Variants in BAALC observed in about 807,000 individuals in gnomAD.
BAALC encodes BAALC binder of MAP3K1 and KLF4.
In BAALC, 9 loss-of-function variants were observed where a neutral mutation model predicts 15.5. That is an observed-to-expected ratio of 0.58 (90% confidence interval 0.35 to 1.02). The LOEUF (loss-of-function observed/expected upper bound fraction) is 1.02, where lower values mean the gene tolerates loss of function less well. Among genes scored for constraint, BAALC ranks in the 50% least tolerant of loss-of-function variants. The probability of loss-of-function intolerance (pLI) is 0.02; values close to 1 mark genes in which losing one functional copy is unlikely to be tolerated. For missense variants in BAALC, 201 were observed against 192.4 expected, an observed-to-expected ratio of 1.04 and a Z score of -0.27; for synonymous variants, 80 against 74.6, an observed-to-expected ratio of 1.07 and a Z score of -0.37.
intron 1 of BAALC, among the ~76,000 whole-genome samples, chr8:103,155,164 CTATTAGATTGGACCAAAAAGA>C (rs1478472269): frequency 3.3e-5 from 5 of 152,026 alleles, no homozygotes. Flanking sequence ...TGGACCATAT[CTATTAGATTGGACCAAAAAGA>C]TATTAGATTG....
intron 1 of BAALC, among the ~76,000 whole-genome samples, chr8:103,188,452 C>T (rs184049848): frequency 9.7e-4 from 148 of 152,216 alleles, no homozygotes; most frequent in Non-Finnish European, 1.9e-3. Context: ...GAGGGACAGG[C>T]GGCTGCACAT....
chr8:103,167,612 A>C (rs543296734), intron 1 of BAALC, among the ~76,000 whole-genome samples: 1 of 152,218 alleles, frequency 6.6e-6, no homozygotes, highest in East Asian at 1.9e-4. Flanking sequence ...TGGTATGGGG[A>C]ACATTTCTAG....
intron 1 of BAALC, among the ~76,000 whole-genome samples, chr8:103,193,865 G>A (rs1165049995): frequency 6.6e-6 from 1 of 152,136 alleles, no homozygotes; most frequent in African/African-American, 2.4e-5. Context: ...TTCTTCCCTG[G>A]TACACAGTGA....
chr8:103,181,923 A>G (rs1015231345), intron 1 of BAALC, among the ~76,000 whole-genome samples: 21 of 152,202 alleles, frequency 1.4e-4, no homozygotes, highest in African/African-American at 4.8e-4. Flanking sequence ...TGAACATAAG[A>G]AATGTATTCA....
intron 1 of BAALC, among the ~76,000 whole-genome samples, chr8:103,186,042 A>G (rs1270291139): frequency 6.6e-6 from 1 of 152,184 alleles, no homozygotes. Flanking sequence ...ACACCTGAGC[A>G]CAATGTGAGT....
rs183567730 is a variant in BAALC, at chr8:103,223,108, C to T, written c.328-4881C>T. Among the ~76,000 whole-genome samples the T allele has an allele frequency of 4.7e-4, 71 of 152,130 alleles. No homozygotes were observed. In the East Asian group the frequency reaches 0.012, roughly 25 times the overall value. Reference sequence around the variant, plus strand: ...CGGGTGGACCACAAGGTCAGGAGTTCGAGACCAGCCTGGCCAACATGATGA... The same window carrying T: ...CGGGTGGACCACAAGGTCAGGAGTTTGAGACCAGCCTGGCCAACATGATGA... On this transcript the variant is annotated intron_variant, in intron 2 of 2. Coordinates refer to ENST00000309982, the MANE Select transcript of BAALC (RefSeq NM_024812.3).
intron 1 of BAALC, among the ~76,000 whole-genome samples, chr8:103,175,331 G>A (rs531132015): frequency 3.3e-5 from 5 of 152,244 alleles, no homozygotes; most frequent in African/African-American, 9.6e-5. Flanking sequence ...AAATATAAAC[G>A]ATTGAAAATG....
chr8:103,150,335 G>C (rs953072129), intron 1 of BAALC, among the ~76,000 whole-genome samples: 63 of 127,256 alleles, frequency 5.0e-4, no homozygotes, highest in African/African-American at 1.8e-3. Flanking sequence ...AAACATGGCT[G>C]TGTGTGTGTG....
intron 1 of BAALC, among the ~76,000 whole-genome samples, chr8:103,207,584 G>A (rs558392408): frequency 1.3e-5 from 2 of 152,276 alleles, no homozygotes; most frequent in South Asian, 4.2e-4. Context: ...GTAGAGAGGG[G>A]AAGAAGCCTT....
rs200431550 is a variant in BAALC at position 103,168,514 on chromosome 8, T to TG, written c.160+27457_160+27458insG. ...GCTGCATTAAAAATATGTGTTTGTT[T>TG]TTTTTTTTTTAATGTGAATGCATCA... On this transcript the variant is annotated intron_variant, in intron 1 of 2. Coordinates refer to ENST00000309982, the MANE Select transcript of BAALC (RefSeq NM_024812.3). Among the ~76,000 whole-genome samples, 3 of 151,222 alleles carry TG rather than the reference T, an allele frequency of 2.0e-5. No homozygotes were observed. In the South Asian group the frequency reaches 6.3e-4, roughly 32 times the overall value.
At chr8:103,170,994 G>A (rs1337875615) in intron 1 of BAALC, among the ~76,000 whole-genome samples, 1 of 152,130 alleles carries the variant, frequency 6.6e-6, no homozygotes, top group Non-Finnish European at 1.5e-5. Flanking sequence ...CATCTGATGT[G>A]TCTTCTTATA....
intron 1 of BAALC, among the ~76,000 whole-genome samples, chr8:103,192,785 G>A (rs1812000461): frequency 1.3e-5 from 2 of 152,174 alleles, no homozygotes; most frequent in Admixed American, 6.5e-5. Context: ...AGCTGCCATT[G>A]CCATGGGACA....
intron 1 of BAALC, among the ~76,000 whole-genome samples, chr8:103,149,442 T>C (rs1810938560): frequency 6.6e-6 from 1 of 152,232 alleles, no homozygotes; most frequent in South Asian, 2.1e-4. Flanking sequence ...TGGTTTCAAA[T>C]GCAGTGCATG....
At chr8:103,187,757 C>G (rs56006114) in intron 1 of BAALC, among the ~76,000 whole-genome samples, 8,010 of 152,178 alleles carry the variant, frequency 0.053, 304 homozygotes, top group Middle Eastern at 0.17. Flanking sequence ...GTCCTTCTTC[C>G]CTTAGAGGGA....
chr8:103,213,640 A>G (rs940183761), intron 2 of BAALC: 1 of 153,068 alleles, frequency 6.5e-6, no homozygotes, highest in Non-Finnish European at 1.5e-5. Context: ...CTTTTCTCCC[A>G]GAGCTATTGT....
chr8:103,143,984 C>T (rs74345150), intron 1 of BAALC, among the ~76,000 whole-genome samples: 219 of 152,324 alleles, frequency 1.4e-3, no homozygotes, highest in African/African-American at 5.0e-3. Flanking sequence ...TTACCCTACT[C>T]CATTCAAACA....
intron 1 of BAALC, among the ~76,000 whole-genome samples, chr8:103,171,424 GA>G (rs35336505): frequency 0.52 from 76,952 of 149,204 alleles, 20,011 homozygotes; most frequent in Non-Finnish European, 0.54. Context: ...GAGAGAGAAT[GA>G]AAATAAAAAG....
chr8:103,209,567 C>G lies in BAALC; in HGVS notation c.161-3352C>G, dbSNP rs534803735. Among the ~76,000 whole-genome samples the G allele has an allele frequency of 7.2e-5, 11 of 152,252 alleles. No homozygotes were observed. The South Asian group carries it at 2.1e-3, about 29-fold the overall frequency. ...CTTTCACCCCATGAGCCCCACCCTTCCCACAGGCTGAGTTATCCAGAGGCC... is the reference window on the plus strand; with the variant it reads ...CTTTCACCCCATGAGCCCCACCCTTGCCACAGGCTGAGTTATCCAGAGGCC... On this transcript the variant is annotated intron_variant, in intron 1 of 2. Coordinates refer to ENST00000309982, the MANE Select transcript of BAALC (RefSeq NM_024812.3).
chr8:103,218,042 C>G (rs1212715697), intron 2 of BAALC, among the ~76,000 whole-genome samples: 3 of 152,198 alleles, frequency 2.0e-5, no homozygotes, highest in Non-Finnish European at 4.4e-5. Flanking sequence ...AGCAGCTACT[C>G]TATTTAATGC....
Sources: allele counts gnomAD v4.1 joint callset (sites outside exome capture counted in the v4.1 genomes callset), GRCh38; gene constraint gnomAD v4.1.1; transcripts MANE v1.5; gene names NCBI Gene and HGNC (gene_info 2026-07-23, HGNC 2026-07-21).